Variants in ZBTB43 observed in about 807,000 individuals in gnomAD.
ZBTB43 encodes the protein zinc finger and BTB domain-containing protein 43.
In ZBTB43, 6 loss-of-function variants were observed where a neutral mutation model predicts 31.1. That is an observed-to-expected ratio of 0.19 (90% confidence interval 0.11 to 0.38). The LOEUF (loss-of-function observed/expected upper bound fraction) is 0.38, where lower values mean the gene tolerates loss of function less well. ZBTB43 is among the 10% of genes least tolerant of loss of function. The probability of loss-of-function intolerance (pLI) is 1.00; values close to 1 mark genes in which losing one functional copy is unlikely to be tolerated. For synonymous variants in ZBTB43, 212 were observed against 221.7 expected (o/e 0.96, Z 0.39); for missense variants, 379 against 602.1 (o/e 0.63, Z 3.88).
intron 2 of ZBTB43, among the ~76,000 whole-genome samples, chr9:126,817,636 C>T (rs547008127): frequency 2.1e-4 from 32 of 151,988 alleles, no homozygotes; most frequent in African/African-American, 5.8e-4. Context: ...CCACCACGCC[C>T]GGCTAATTAT....
Position 126,819,279 on chromosome 9 carries a change from A to ATTTTTT in ZBTB43, c.-24+10384_-24+10389dup, listed in dbSNP as rs71377975. ...TCATTTTGTGCTTCACGGATATTGC[A>ATTTTTT]TTTTTTTTTTTTTTTTTTTTTTTTT... On this transcript the variant is annotated intron_variant, in intron 2 of 2. Coordinates refer to ENST00000373464, the MANE Select transcript of ZBTB43 (RefSeq NM_014007.4). Among the ~76,000 whole-genome samples, 61 of 100,186 alleles carry ATTTTTT rather than the reference A, an allele frequency of 6.1e-4. 1 individual carries two copies. The highest frequency in any genetic ancestry group is 2.1e-3 in the African/African-American group (54 of 26,212). 65.7% of individuals were successfully genotyped at this position (100,186 alleles called of 152,430 possible). A position where few individuals can be genotyped will look rare whatever the true frequency, so the allele number is the denominator to read the frequency against.
At chr9:126,819,957 G>T (rs759821096) in intron 2 of ZBTB43, among the ~76,000 whole-genome samples, 2 of 152,160 alleles carry the variant, frequency 1.3e-5, no homozygotes, top group African/African-American at 2.4e-5. Context: ...AGCCAAAGCC[G>T]TCAGAAGAAG....
chr9:126,818,408 A>G (rs1212138997), intron 2 of ZBTB43, among the ~76,000 whole-genome samples: 1 of 152,054 alleles, frequency 6.6e-6, no homozygotes, highest in Non-Finnish European at 1.5e-5. Context: ...GATGAGAGCC[A>G]CCACACATGG....
intron 2 of ZBTB43, chr9:126,831,812 A>G (rs1212310339): frequency 6.6e-6 from 1 of 151,742 alleles, no homozygotes; most frequent in Admixed American, 6.6e-5. Flanking sequence ...AAAAAAATTA[A>G]CCAGGTGTAG....
At chr9:126,814,023 G>A (rs2032306347) in intron 2 of ZBTB43, among the ~76,000 whole-genome samples, 1 of 152,124 alleles carries the variant, frequency 6.6e-6, no homozygotes, top group Admixed American at 6.5e-5. Flanking sequence ...AGTATTATTT[G>A]TAGAGTATAT....
chr9:126,827,552 T>A (rs893648451), intron 2 of ZBTB43, among the ~76,000 whole-genome samples: 3 of 152,214 alleles, frequency 2.0e-5, no homozygotes, highest in African/African-American at 7.2e-5. Context: ...CTGATCCGCT[T>A]CCAGAGGCCT....
At chr9:126,825,004 A>G (rs2032600357) in intron 2 of ZBTB43, among the ~76,000 whole-genome samples, 1 of 152,038 alleles carries the variant, frequency 6.6e-6, no homozygotes, top group Non-Finnish European at 1.5e-5. Context: ...GAGTATAGTG[A>G]TGTGAATATG....
In ZBTB43 at chr9:126,818,295, A is replaced by AT. The variant is rs1564202347; in HGVS notation, c.-24+9380_-24+9381insT. 6.2e-5 allele frequency among the ~76,000 whole-genome samples: 9 copies of AT among 145,988 alleles called. No homozygotes were observed. In the South Asian group the frequency reaches 8.7e-4, roughly 14 times the overall value. ...GCACCACTATTCCTGGCTAATTAAA[A>AT]AATATATATATATATATATTTAGAA... On this transcript the variant is annotated intron_variant, in intron 2 of 2. Transcript: ENST00000373464.
chr9:126,822,538 C>G (rs919721561), intron 2 of ZBTB43, among the ~76,000 whole-genome samples: 2 of 151,778 alleles, frequency 1.3e-5, no homozygotes. Flanking sequence ...AGCCCAGGAG[C>G]TCAAGACCAT....
upstream of ZBTB43, among the ~76,000 whole-genome samples, chr9:126,804,849 A>G (rs1337627334): frequency 2.6e-5 from 4 of 152,244 alleles, no homozygotes; most frequent in African/African-American, 9.6e-5. Flanking sequence ...CAGCGTAGTC[A>G]GTCCCTAAAA....
intron 1 of ZBTB43, 121 bp from the exon 2 acceptor site, chr9:126,808,672 C>T (rs2032180314): frequency 6.6e-6 from 1 of 152,114 alleles, no homozygotes. Context: ...TTTAATATAA[C>T]CAAAAATGCC....
Position 126,833,523 on chromosome 9 carries a change from A to G in ZBTB43, c.1014A>G (p.Arg338=), listed in dbSNP as rs76038996. 2,078 of 1,614,172 alleles carry G rather than the reference A, an allele frequency of 1.3e-3. 16 individuals are homozygous for G. In the African/African-American group the frequency reaches 0.024, roughly 19 times the overall value. ...ERSDGNLIGH[R]QEAALAAGYS... ...CAGATGGGAATCTAATTGGGCACAG[A>G]CAGGAGGCTGCCCTCGCAGCAGGTT... is the stretch of plus-strand genomic sequence containing the variant. The change falls in exon 3 of 3, where the codon AGA becomes AGG. Residue 338 remains arginine (R), a synonymous_variant. Coordinates refer to ENST00000373464, the MANE Select transcript of ZBTB43 (RefSeq NM_014007.4). This position sits in a 1 kb window ranked among gnomAD's most constrained non-coding sequence, Gnocchi z 7.9.
chr9:126,804,817 G>C (rs890873968), upstream of ZBTB43, among the ~76,000 whole-genome samples: 2 of 152,212 alleles, frequency 1.3e-5, no homozygotes, highest in African/African-American at 4.8e-5. Flanking sequence ...TTAGAACTCA[G>C]TATCTGCTCC....
chr9:126,833,322 G>A lies in ZBTB43; in HGVS notation c.813G>A (p.Glu271=), dbSNP rs200936826. ...HATYDEHQVT[E]SINTVQTEHT... ...CCTACGACGAGCACCAGGTCACAGAGTCCATCAACACCGTGCAGACAGAGC... is the reference window on the plus strand; with the variant it reads ...CCTACGACGAGCACCAGGTCACAGAATCCATCAACACCGTGCAGACAGAGC... The change falls in exon 3 of 3, where the codon GAG becomes GAA. Residue 271 remains glutamate (E), a synonymous_variant. Transcript: ENST00000373464. The surrounding 1 kb of genome is among the most constrained non-coding windows in gnomAD (Gnocchi z 7.9). 9.9e-6 allele frequency: 16 copies of A among 1,613,068 alleles called. No homozygotes were observed. Among genetic ancestry groups the A allele is most frequent in the Middle Eastern group, 3.3e-4 (2 of 6,062 alleles).
chr9:126,821,611 G>A (rs1029900852), intron 2 of ZBTB43, among the ~76,000 whole-genome samples: 5 of 152,208 alleles, frequency 3.3e-5, no homozygotes, highest in African/African-American at 7.2e-5. Flanking sequence ...GGAGCCTGAA[G>A]ATGGGACTGA....
At chr9:126,804,784 C>T (rs941017219), upstream of ZBTB43, among the ~76,000 whole-genome samples, 2 of 152,264 alleles carry the variant, frequency 1.3e-5, no homozygotes, top group Non-Finnish European at 2.9e-5. Flanking sequence ...CGCGCCTGGC[C>T]TATGCCAAGG....
intron 2 of ZBTB43, among the ~76,000 whole-genome samples, chr9:126,819,545 T>C (rs537793386): frequency 1.3e-5 from 2 of 152,226 alleles, no homozygotes; most frequent in East Asian, 3.9e-4. Context: ...AGTCAATAAA[T>C]GTGTGTTCTG....
intron 1 of ZBTB43, among the ~76,000 whole-genome samples, chr9:126,806,569 A>T (rs73668417): frequency 0.11 from 16,576 of 152,178 alleles, 2,803 homozygotes; most frequent in African/African-American, 0.36. Context: ...ATTGCACAAC[A>T]TTGTGAATGT....
intron 2 of ZBTB43, among the ~76,000 whole-genome samples, chr9:126,813,625 A>G (rs913812099): frequency 1.3e-5 from 2 of 152,180 alleles, no homozygotes; most frequent in Non-Finnish European, 2.9e-5. Context: ...GTGTGATTGG[A>G]CCAATAACTC....
Sources: allele counts gnomAD v4.1 joint callset (sites outside exome capture counted in the v4.1 genomes callset), GRCh38; gene constraint gnomAD v4.1.1; non-coding constraint Gnocchi (gnomAD v3.1); transcripts MANE v1.5; gene names NCBI Gene and HGNC (gene_info 2026-07-23, HGNC 2026-07-21).